SPATA17: variants seen among roughly 807,000 people sequenced by gnomAD.
SPATA17 encodes the protein spermatogenesis-associated protein 17.
Under a neutral mutation model 62.2 loss-of-function variants are expected in SPATA17, and 53 were observed. The observed-to-expected ratio is 0.85, with a 90% CI of 0.68 to 1.07. SPATA17 has a LOEUF of 1.07. Ranked by LOEUF, SPATA17 falls within the 50% of genes least tolerant of loss-of-function variation. The probability of loss-of-function intolerance (pLI) is 0.00; values close to 1 mark genes in which losing one functional copy is unlikely to be tolerated. For synonymous variants in SPATA17, 146 were observed against 146.8 expected, an observed-to-expected ratio of 0.99 and a Z score of 0.04; for missense variants, 466 against 425.5, an observed-to-expected ratio of 1.10 and a Z score of -0.84.
rs368245031 is a variant in SPATA17 at position 217,803,800 on chromosome 1, T to C, written c.1005+1950T>C. On this transcript the variant is annotated intron_variant, in intron 9 of 10. Transcript: ENST00000366933. ...TGGGAGGCCAAGGTGGGCAGATCACTTGAGATCAGGAGTTCGAGACCAGCA... is the reference window on the plus strand; with the variant it reads ...TGGGAGGCCAAGGTGGGCAGATCACCTGAGATCAGGAGTTCGAGACCAGCA... 1.4e-3 allele frequency among the ~76,000 whole-genome samples: 220 copies of C among 152,186 alleles called. 2 individuals carry two copies. The highest frequency in any genetic ancestry group is 4.5e-3 in the African/African-American group (187 of 41,542).
intron 6 of SPATA17, among the ~76,000 whole-genome samples, chr1:217,765,707 G>A (rs1044684755): frequency 3.9e-5 from 6 of 151,964 alleles, no homozygotes; most frequent in African/African-American, 1.2e-4. Flanking sequence ...GTTTAGGTGA[G>A]TATTCTATAT....
At chr1:217,757,357 T>C (rs1242565259) in intron 6 of SPATA17, among the ~76,000 whole-genome samples, 4 of 152,210 alleles carry the variant, frequency 2.6e-5, no homozygotes, top group Admixed American at 2.0e-4. Context: ...TCTATTTAGT[T>C]CCATCATTAA....
rs1417321897 is a variant in SPATA17 at position 217,631,356 on chromosome 1, T to C, written c.-23T>C. 6.2e-7 allele frequency: 1 copy of C among 1,614,072 alleles called. No individual in the cohort carries two copies. The highest frequency in any genetic ancestry group is 8.5e-7 in the Non-Finnish European group (1 of 1,179,990). On this transcript the variant is annotated 5_prime_UTR_variant, in exon 1 of 11. Coordinates refer to ENST00000366933, the MANE Select transcript of SPATA17 (RefSeq NM_138796.4). Reference sequence around the variant, plus strand: ...CATGGAGACCGGTAGTAACACCAGTTGTAAACCCAAGGCCAAGAGACCATG... The same window carrying C: ...CATGGAGACCGGTAGTAACACCAGTCGTAAACCCAAGGCCAAGAGACCATG...
intron 6 of SPATA17, among the ~76,000 whole-genome samples, chr1:217,750,422 G>C (rs561110299): frequency 1.3e-5 from 2 of 152,206 alleles, no homozygotes; most frequent in Admixed American, 6.5e-5. Context: ...GAGGAAAGTA[G>C]GTATTTATGG....
intron 6 of SPATA17, among the ~76,000 whole-genome samples, chr1:217,769,350 A>G (rs1158297159): frequency 6.6e-6 from 1 of 152,238 alleles, no homozygotes; most frequent in Non-Finnish European, 1.5e-5. Flanking sequence ...CCCTTGCACT[A>G]TATCCCTCTG....
intron 5 of SPATA17, among the ~76,000 whole-genome samples, chr1:217,705,584 G>A (rs1401021726): frequency 6.6e-6 from 1 of 151,700 alleles, no homozygotes; most frequent in Non-Finnish European, 1.5e-5. Context: ...GGGATTACAG[G>A]TGTGTGCCAC....
chr1:217,841,653 T>A (rs1675406012), intron 9 of SPATA17, among the ~76,000 whole-genome samples: 2 of 151,970 alleles, frequency 1.3e-5, no homozygotes, highest in Admixed American at 6.6e-5. Flanking sequence ...CCAAGCACGG[T>A]GGCTCATGCC....
intron 5 of SPATA17, among the ~76,000 whole-genome samples, chr1:217,688,078 C>T (rs1205344772): frequency 1.3e-5 from 2 of 152,066 alleles, no homozygotes; most frequent in African/African-American, 2.4e-5. Context: ...CTTTTAAAAC[C>T]GGAGGGCCAG....
In SPATA17 at chr1:217,683,274, G is replaced by C; in HGVS notation, c.308G>C (p.Arg103Pro). The C allele has an allele frequency of 6.2e-7, 1 of 1,602,138 alleles. No homozygotes were observed. Among genetic ancestry groups the C allele is most frequent in the East Asian group, 2.3e-5 (1 of 44,190 alleles). ...AMAVRIQRRW[R>P]GYRVRKYLFN... The stretch of plus-strand genomic sequence containing the variant: ...CTTTAATAGATTCAGAGACGATGGC[G>C]AGGCTATAGGGTTCGGAAGTACCTC... Residue 103 changes from arginine (R) to proline (P), a missense_variant, in exon 5 of 11, where the codon CGA becomes CCA. Arg to Pro is a moderately radical substitution (Grantham distance 103). Transcript: ENST00000366933.
At chr1:217,763,846 A>C (rs1673234140) in intron 6 of SPATA17, among the ~76,000 whole-genome samples, 1 of 152,144 alleles carries the variant, frequency 6.6e-6, no homozygotes, top group South Asian at 2.1e-4. Flanking sequence ...ATCATGGATG[A>C]TTCTCAGGTT....
At chr1:217,802,381 A>G (rs1674335509) in intron 9 of SPATA17, among the ~76,000 whole-genome samples, 1 of 152,186 alleles carries the variant, frequency 6.6e-6, no homozygotes, top group African/African-American at 2.4e-5. Flanking sequence ...CACTTATGTG[A>G]TATATTAGTC....
intron 6 of SPATA17, among the ~76,000 whole-genome samples, chr1:217,762,118 A>T (rs1457342340): frequency 6.6e-6 from 1 of 150,794 alleles, no homozygotes. Context: ...CTCTTCTCCC[A>T]CTCATTTCTT....
intron 9 of SPATA17, among the ~76,000 whole-genome samples, chr1:217,815,247 C>G (rs17046879): frequency 0.081 from 12,325 of 152,138 alleles, 586 homozygotes; most frequent in African/African-American, 0.13. Context: ...ATACATTATG[C>G]CTTAGAAAGA....
At chr1:217,698,540 C>T (rs539245126) in intron 5 of SPATA17, among the ~76,000 whole-genome samples, 13 of 150,994 alleles carry the variant, frequency 8.6e-5, no homozygotes, top group Non-Finnish European at 1.6e-4. Flanking sequence ...AAAAAGTTAG[C>T]CTTTGCCTTT....
chr1:217,803,664 A>G (rs1283832469), intron 9 of SPATA17, among the ~76,000 whole-genome samples: 1 of 152,212 alleles, frequency 6.6e-6, no homozygotes, highest in African/African-American at 2.4e-5. Flanking sequence ...AAACAAAGTG[A>G]TCAACTGAGT....
intron 5 of SPATA17, among the ~76,000 whole-genome samples, chr1:217,704,595 T>C (rs1388865054): frequency 6.6e-6 from 1 of 152,186 alleles, no homozygotes; most frequent in Non-Finnish European, 1.5e-5. Flanking sequence ...TGTTCCCTTC[T>C]TTGTGTCCAT....
chr1:217,818,860 C>T (rs778635642), intron 9 of SPATA17, among the ~76,000 whole-genome samples: 1 of 147,418 alleles, frequency 6.8e-6, no homozygotes. Flanking sequence ...TCTCTCTCAC[C>T]CATATTACTT....
intron 6 of SPATA17, among the ~76,000 whole-genome samples, chr1:217,757,465 C>G (rs2102960232): frequency 6.6e-6 from 1 of 152,254 alleles, no homozygotes; most frequent in South Asian, 2.1e-4. Context: ...CATAAATAGG[C>G]TGGCTTTCAA....
intron 6 of SPATA17, among the ~76,000 whole-genome samples, chr1:217,772,925 T>A (rs898039426): frequency 2.6e-5 from 4 of 152,182 alleles, no homozygotes; most frequent in African/African-American, 9.7e-5. Flanking sequence ...GATAGGATGT[T>A]GCATTTGGGA....
Sources: allele counts gnomAD v4.1 joint callset (sites outside exome capture counted in the v4.1 genomes callset), GRCh38; gene constraint gnomAD v4.1.1; transcripts MANE v1.5; gene names NCBI Gene and HGNC (gene_info 2026-07-23, HGNC 2026-07-21).